Variants in GABRG3 observed in about 807,000 individuals in gnomAD.
GABRG3 encodes the protein gamma-aminobutyric acid receptor subunit gamma-3.
Under a neutral mutation model 48.8 loss-of-function variants are expected in GABRG3, and 25 were observed. The observed-to-expected ratio is 0.51, with a 90% CI of 0.37 to 0.72. GABRG3 has a LOEUF of 0.72. Among genes scored for constraint, GABRG3 ranks in the 30% least tolerant of loss-of-function variants. The pLI is 0.00. For synonymous variants in GABRG3, 227 were observed against 217.6 expected (o/e 1.04, Z -0.38); for missense variants, 394 against 577.9 (o/e 0.68, Z 3.26).
intron 3 of GABRG3, among the ~76,000 whole-genome samples, chr15:27,299,321 A>G (rs1011939890): frequency 1.3e-5 from 2 of 152,140 alleles, no homozygotes; most frequent in Non-Finnish European, 1.5e-5. Flanking sequence ...AAAAAACACC[A>G]TGGCCCATGG....
At chr15:27,036,286 C>T (rs138350179) in intron 3 of GABRG3, among the ~76,000 whole-genome samples, 167 of 152,262 alleles carry the variant, frequency 1.1e-3, no homozygotes, top group African/African-American at 3.7e-3. Flanking sequence ...AGCTCCTAGG[C>T]GCCAGATCAC....
chr15:27,041,758 G>A (rs1016223557), intron 3 of GABRG3, among the ~76,000 whole-genome samples: 1 of 152,260 alleles, frequency 6.6e-6, no homozygotes, highest in South Asian at 2.1e-4. Flanking sequence ...TGTTGGCCAG[G>A]TGATCCTACC....
rs28707599 is a variant in GABRG3 at position 27,181,522 on chromosome 15, G to A, written c.271-145287G>A. Among the ~76,000 whole-genome samples the A allele has an allele frequency of 3.4e-3, 521 of 152,276 alleles. 3 individuals carry two copies. The highest frequency in any genetic ancestry group is 0.012 in the African/African-American group (491 of 41,558). On this transcript the variant is annotated intron_variant, in intron 3 of 9. Coordinates refer to ENST00000615808, the MANE Select transcript of GABRG3 (RefSeq NM_033223.5). ...GCTGATGTTAGGGCCTGGAAAACAGGTTTGAAGATTTCTGTCTGAATGAAT... is the reference window on the plus strand; with the variant it reads ...GCTGATGTTAGGGCCTGGAAAACAGATTTGAAGATTTCTGTCTGAATGAAT...
At chr15:27,419,239 C>T (rs1456920066) in intron 5 of GABRG3, 4 of 152,282 alleles carry the variant, frequency 2.6e-5, no homozygotes, top group African/African-American at 9.7e-5. Flanking sequence ...CACTGGCCTT[C>T]TCGATGGTCC....
intron 5 of GABRG3, chr15:27,422,365 A>G (rs1888149083): frequency 1.3e-5 from 2 of 152,386 alleles, no homozygotes; most frequent in Non-Finnish European, 2.9e-5. Flanking sequence ...CTGCGTATCC[A>G]CCAATACTGA....
At chr15:27,354,239 T>G (rs577105158) in intron 5 of GABRG3, among the ~76,000 whole-genome samples, 25 of 152,328 alleles carry the variant, frequency 1.6e-4, no homozygotes, top group African/African-American at 5.8e-4. Flanking sequence ...ACTGACAGCA[T>G]TTGTGAGTTA....
At chr15:27,329,303 G>A (rs193242507) in intron 5 of GABRG3, among the ~76,000 whole-genome samples, 50 of 151,336 alleles carry the variant, frequency 3.3e-4, no homozygotes, top group African/African-American at 6.1e-4. Context: ...TGCTCTCGTC[G>A]CCCAGGCTGG....
At chr15:27,295,462 T>G (rs1447893263) in intron 3 of GABRG3, among the ~76,000 whole-genome samples, 1 of 152,030 alleles carries the variant, frequency 6.6e-6, no homozygotes, top group Admixed American at 6.6e-5. Flanking sequence ...AGGGACCCAG[T>G]GAAGGTAACC....
At chr15:27,259,340 G>T (rs1161602281) in intron 3 of GABRG3, among the ~76,000 whole-genome samples, 1 of 152,158 alleles carries the variant, frequency 6.6e-6, no homozygotes, top group Admixed American at 6.5e-5. Context: ...CCAGTTTGGA[G>T]GTGCAGCTTT....
chr15:27,307,003 C>CAT (rs1159670106), intron 3 of GABRG3, among the ~76,000 whole-genome samples: 8 of 105,702 alleles, frequency 7.6e-5, no homozygotes, highest in Admixed American at 4.9e-4. Flanking sequence ...TATATATAAA[C>CAT]ATGTATAAAC....
intron 3 of GABRG3, among the ~76,000 whole-genome samples, chr15:27,088,569 C>T (rs1213293117): frequency 1.3e-5 from 2 of 152,074 alleles, no homozygotes; most frequent in African/African-American, 4.8e-5. Flanking sequence ...TCATTGGCTC[C>T]CAGTTCCGCA....
intron 2 of GABRG3, among the ~76,000 whole-genome samples, chr15:26,988,829 TCA>T (rs1211595414): frequency 6.6e-6 from 1 of 152,188 alleles, no homozygotes; most frequent in Non-Finnish European, 1.5e-5. Flanking sequence ...TTTTAACTTA[TCA>T]CAGTCTACCT....
At chr15:27,110,668 T>G (rs1431429428) in intron 3 of GABRG3, among the ~76,000 whole-genome samples, 2 of 151,244 alleles carry the variant, frequency 1.3e-5, no homozygotes, top group Non-Finnish European at 2.9e-5. Context: ...AGTTGGTGAG[T>G]TTTTTTTTCT....
At chr15:27,075,397 C>T (rs1267848528) in intron 3 of GABRG3, among the ~76,000 whole-genome samples, 1 of 152,188 alleles carries the variant, frequency 6.6e-6, no homozygotes, top group Non-Finnish European at 1.5e-5. Flanking sequence ...TTTATTTTGG[C>T]ATCCTAGCAT....
intron 3 of GABRG3, among the ~76,000 whole-genome samples, chr15:27,174,364 A>G (rs1887671054): frequency 6.6e-6 from 1 of 152,098 alleles, no homozygotes; most frequent in South Asian, 2.1e-4. Context: ...TCTGCATTTC[A>G]TATGTTGTAA....
At position 27,457,217 on chromosome 15, in the gene GABRG3, C is replaced by T. The variant is rs924867504; in HGVS notation, c.575-23433C>T. 2.0e-5 allele frequency among the ~76,000 whole-genome samples: 3 copies of T among 152,172 alleles called. No homozygotes were observed. Among genetic ancestry groups the T allele is most frequent in the Admixed American group, 1.3e-4 (2 of 15,282 alleles). On this transcript the variant is annotated intron_variant, in intron 5 of 9. Coordinates refer to ENST00000615808, the MANE Select transcript of GABRG3 (RefSeq NM_033223.5). This position sits in a 1 kb window ranked among gnomAD's most constrained non-coding sequence, Gnocchi z 4.4. ...ACTGCAAGGCTGCAAGAACTGCCCA[C>T]GCTCCGACAGATGTACAGTGCAGGG...
Position 27,040,842 on chromosome 15 carries a change from G to A in GABRG3, c.270+14021G>A, listed in dbSNP as rs76605380. On this transcript the variant is annotated intron_variant, in intron 3 of 9. Transcript: ENST00000615808. ...AAGCATTGGAAAGGAATTTACATGA[G>A]ATAAGAAGGGACCATATGAAGTTGG... Among the ~76,000 whole-genome samples the A allele has an allele frequency of 5.3e-3, 804 of 152,152 alleles. 5 individuals are homozygous for A. The highest frequency in any genetic ancestry group is 0.018 in the African/African-American group (760 of 41,540).
intron 3 of GABRG3, among the ~76,000 whole-genome samples, chr15:27,311,313 T>G (rs1892984601): frequency 6.6e-6 from 1 of 152,150 alleles, no homozygotes; most frequent in East Asian, 1.9e-4. Context: ...CTTGGCACTG[T>G]GCCTTGTAAT....
At chr15:27,282,511 G>T in intron 3 of GABRG3, among the ~76,000 whole-genome samples, 1 of 152,080 alleles carries the variant, frequency 6.6e-6, no homozygotes, top group Non-Finnish European at 1.5e-5. Context: ...ATTTAGTAAG[G>T]TTTTAAAGTA....
Sources: gnomAD v4.1 joint callset for allele counts (sites outside exome capture counted in the v4.1 genomes callset) on GRCh38, gnomAD v4.1.1 for gene constraint, Gnocchi (gnomAD v3.1) non-coding constraint, MANE v1.5 for transcripts, NCBI Gene and HGNC (gene_info 2026-07-23, HGNC 2026-07-21) for gene names.